Variants in SLC25A21 observed in about 807,000 individuals in gnomAD.
SLC25A21 encodes solute carrier family 25 member 21.
SLC25A21 carries 47 observed loss-of-function variants against 43.8 expected under a neutral mutation model. The ratio of observed to expected loss-of-function variants is 1.07; its 90% confidence interval spans 0.85 to 1.37. The LOEUF (loss-of-function observed/expected upper bound fraction) is 1.37. Among genes scored for constraint, SLC25A21 ranks in the 40% most tolerant of loss-of-function variants. The pLI, the probability that SLC25A21 is intolerant of heterozygous loss-of-function variation, is 0.00. For missense variants in SLC25A21, 352 were observed against 350.2 expected (o/e 1.00, Z -0.04); for synonymous variants, 131 against 121.3 (o/e 1.08, Z -0.52).
At chr14:36,937,206 C>G (rs1432562722) in intron 1 of SLC25A21, among the ~76,000 whole-genome samples, 1 of 152,170 alleles carries the variant, frequency 6.6e-6, no homozygotes, top group Non-Finnish European at 1.5e-5. Context: ...CCACATTTCT[C>G]CACATTGTCT....
chr14:37,008,868 C>T (rs930867413), intron 1 of SLC25A21, among the ~76,000 whole-genome samples: 8 of 152,154 alleles, frequency 5.3e-5, no homozygotes, highest in Non-Finnish European at 1.5e-5. Flanking sequence ...ATGTATTTTA[C>T]TGCTTCCAAT....
chr14:36,774,283 G>C (rs1886736393), intron 3 of SLC25A21, among the ~76,000 whole-genome samples: 1 of 152,192 alleles, frequency 6.6e-6, no homozygotes, highest in Non-Finnish European at 1.5e-5. Context: ...TTACTCAGCA[G>C]GTATGGGGAG....
intron 1 of SLC25A21, among the ~76,000 whole-genome samples, chr14:37,051,653 T>G (rs1341429225): frequency 3.9e-5 from 6 of 152,154 alleles, no homozygotes; most frequent in African/African-American, 1.4e-4. Context: ...TACCGAGGGA[T>G]GAGCAAAGCA....
intron 1 of SLC25A21, among the ~76,000 whole-genome samples, chr14:37,127,291 C>T (rs1425311781): frequency 6.6e-6 from 1 of 152,096 alleles, no homozygotes; most frequent in Non-Finnish European, 1.5e-5. Context: ...TGCAGCAGAA[C>T]CAGGATTCTA....
intron 7 of SLC25A21, among the ~76,000 whole-genome samples, chr14:36,687,685 C>T (rs575465601): frequency 3.9e-5 from 6 of 152,292 alleles, no homozygotes; most frequent in South Asian, 4.1e-4. Flanking sequence ...TGTCTCAGCT[C>T]GCCTCTGCTT....
intron 7 of SLC25A21, among the ~76,000 whole-genome samples, chr14:36,685,919 T>C (rs946407997): frequency 6.6e-6 from 1 of 152,142 alleles, no homozygotes; most frequent in Non-Finnish European, 1.5e-5. Flanking sequence ...TCACATACTA[T>C]AAGCTGCTGA....
chr14:37,018,266 C>A (rs1960906661), intron 1 of SLC25A21, among the ~76,000 whole-genome samples: 1 of 151,846 alleles, frequency 6.6e-6, no homozygotes, highest in Non-Finnish European at 1.5e-5. Context: ...AAATTTAATA[C>A]CTCCAAAATT....
intron 3 of SLC25A21, among the ~76,000 whole-genome samples, chr14:36,793,477 T>C (rs78313609): frequency 0.021 from 2,941 of 143,128 alleles, 82 homozygotes; most frequent in African/African-American, 0.071. Flanking sequence ...CATCTGTAAA[T>C]AGAAGAAGCC....
chr14:37,056,769 G>A (rs1362472715), intron 1 of SLC25A21, among the ~76,000 whole-genome samples: 1 of 152,060 alleles, frequency 6.6e-6, no homozygotes, highest in Non-Finnish European at 1.5e-5. Flanking sequence ...TACATACAAG[G>A]GGCAAACGTT....
At chr14:37,052,906 A>G (rs1442088101) in intron 1 of SLC25A21, among the ~76,000 whole-genome samples, 1 of 152,168 alleles carries the variant, frequency 6.6e-6, no homozygotes, top group East Asian at 1.9e-4. Flanking sequence ...CAAAAGTGTT[A>G]AGATTACAGG....
At chr14:36,753,928 A>AGAGAGAGG (rs1885815705) in intron 3 of SLC25A21, among the ~76,000 whole-genome samples, 1 of 111,028 alleles carries the variant, frequency 9.0e-6, no homozygotes, top group Admixed American at 8.0e-5. Context: ...ACAGAGAGAG[A>AGAGAGAGG]GAGAGAGAGA....
intron 6 of SLC25A21, among the ~76,000 whole-genome samples, chr14:36,720,769 A>G (rs879323651): frequency 1.3e-5 from 2 of 152,180 alleles, no homozygotes; most frequent in African/African-American, 2.4e-5. Flanking sequence ...TTCATCTCTA[A>G]CTTCTGCTGC....
At chr14:36,822,127 A>G (rs563407741) in intron 2 of SLC25A21, among the ~76,000 whole-genome samples, 5 of 152,318 alleles carry the variant, frequency 3.3e-5, no homozygotes, top group African/African-American at 9.6e-5. Flanking sequence ...AAGGTAGAAT[A>G]TGCATGTTAA....
chr14:36,940,376 T>C (rs1300258941), intron 1 of SLC25A21, among the ~76,000 whole-genome samples: 1 of 152,018 alleles, frequency 6.6e-6, no homozygotes, highest in African/African-American at 2.4e-5. Flanking sequence ...TGTAGGTTGG[T>C]ATTTTTTTTA....
At chr14:36,968,760 T>C (rs531943034) in intron 1 of SLC25A21, among the ~76,000 whole-genome samples, 28 of 152,302 alleles carry the variant, frequency 1.8e-4, no homozygotes, top group Non-Finnish European at 3.7e-4. Context: ...CGATGTTGTC[T>C]TTTCTGTGCT....
chr14:36,882,915 G>A (rs1387498228), intron 1 of SLC25A21, among the ~76,000 whole-genome samples: 1 of 151,772 alleles, frequency 6.6e-6, no homozygotes, highest in African/African-American at 2.4e-5. Flanking sequence ...GAATCTATCT[G>A]GAAATCTCTT....
At chr14:36,786,351 T>A (rs967927627) in intron 3 of SLC25A21, among the ~76,000 whole-genome samples, 1 of 152,238 alleles carries the variant, frequency 6.6e-6, no homozygotes, top group Admixed American at 6.5e-5. Context: ...TTAAAAAACA[T>A]TTGAATATTT....
At chr14:36,811,985 T>A (rs2138442563) in intron 3 of SLC25A21, among the ~76,000 whole-genome samples, 1 of 152,300 alleles carries the variant, frequency 6.6e-6, no homozygotes. Context: ...ACTATAGTTG[T>A]AAGACAAATG....
chr14:37,053,497 A>G (rs1457207663), intron 1 of SLC25A21, among the ~76,000 whole-genome samples: 1 of 152,218 alleles, frequency 6.6e-6, no homozygotes, highest in Non-Finnish European at 1.5e-5. Context: ...ATATCCTCTG[A>G]CAATGTAGAT....
Sources: gnomAD v4.1 joint callset for allele counts (sites outside exome capture counted in the v4.1 genomes callset) on GRCh38, gnomAD v4.1.1 for gene constraint, MANE v1.5 for transcripts, NCBI Gene and HGNC (gene_info 2026-07-23, HGNC 2026-07-21) for gene names.